Variants in FHIT observed in about 807,000 individuals in gnomAD.
The protein encoded by FHIT is bis(5'-adenosyl)-triphosphatase.
Under a neutral mutation model 17.9 loss-of-function variants are expected in FHIT, and 19 were observed. The observed-to-expected ratio is 1.06, with a 90% CI of 0.74 to 1.56. FHIT has a LOEUF of 1.56. FHIT is among the 40% of genes most tolerant of loss of function. The pLI, the probability that FHIT is intolerant of heterozygous loss-of-function variation, is 0.00. For missense variants in FHIT, 248 were observed against 189.2 expected (o/e 1.31, Z -1.82); for synonymous variants, 81 against 69.7 (o/e 1.16, Z -0.81).
chr3:61,132,475 T>C (rs2036792897), intron 2 of FHIT, among the ~76,000 whole-genome samples: 1 of 152,078 alleles, frequency 6.6e-6, no homozygotes, highest in Non-Finnish European at 1.5e-5. Flanking sequence ...GACAACTAAG[T>C]TAATATAAGG....
intron 5 of FHIT, among the ~76,000 whole-genome samples, chr3:60,207,556 T>G (rs1470341700): frequency 6.6e-6 from 1 of 152,136 alleles, no homozygotes; most frequent in African/African-American, 2.4e-5. Flanking sequence ...ATAAAGCGAA[T>G]TTAGAATCAC....
chr3:59,790,592 G>C (rs1483323156), intron 8 of FHIT, among the ~76,000 whole-genome samples: 1 of 151,824 alleles, frequency 6.6e-6, no homozygotes, highest in East Asian at 1.9e-4. Flanking sequence ...ATTGATTGTA[G>C]GAGGAGAAAA....
chr3:59,959,934 A>T (rs1185720501), intron 7 of FHIT, among the ~76,000 whole-genome samples: 2 of 152,222 alleles, frequency 1.3e-5, no homozygotes, highest in Non-Finnish European at 2.9e-5. Context: ...TAAGGAGATA[A>T]TAACATATGT....
At chr3:59,764,743 C>T (rs1354459252) in intron 8 of FHIT, among the ~76,000 whole-genome samples, 3 of 151,708 alleles carry the variant, frequency 2.0e-5, no homozygotes, top group Admixed American at 2.0e-4. Flanking sequence ...TTTTTCTAAC[C>T]AGAATACTTG....
At chr3:60,132,732 G>T (rs1699647150) in intron 5 of FHIT, among the ~76,000 whole-genome samples, 1 of 152,006 alleles carries the variant, frequency 6.6e-6, no homozygotes, top group Non-Finnish European at 1.5e-5. Flanking sequence ...CTTTCTGCTG[G>T]CTTATTGTCA....
chr3:59,803,460 G>C (rs561745954), intron 8 of FHIT, among the ~76,000 whole-genome samples: 1 of 152,190 alleles, frequency 6.6e-6, no homozygotes, highest in Non-Finnish European at 1.5e-5. Flanking sequence ...CTGCATTAAC[G>C]GTCTCCGAAT....
chr3:60,127,324 C>T (rs1705599515), intron 5 of FHIT, among the ~76,000 whole-genome samples: 1 of 152,164 alleles, frequency 6.6e-6, no homozygotes, highest in East Asian at 1.9e-4. Flanking sequence ...TCTCTGATAT[C>T]TAAATAGCAA....
At chr3:59,873,831 CAT>C (rs1559686366) in intron 8 of FHIT, among the ~76,000 whole-genome samples, 3 of 152,176 alleles carry the variant, frequency 2.0e-5, no homozygotes, top group East Asian at 1.9e-4. Flanking sequence ...TTCACTTTCA[CAT>C]GTGTTCCAGT....
At chr3:61,030,597 A>G (rs757648123) in intron 3 of FHIT, among the ~76,000 whole-genome samples, 9 of 152,182 alleles carry the variant, frequency 5.9e-5, no homozygotes, top group Non-Finnish European at 4.4e-5. Flanking sequence ...TGTACTCACA[A>G]AGTTTAGATT....
chr3:61,126,180 TCAGG>T (rs2036600446), intron 2 of FHIT, among the ~76,000 whole-genome samples: 1 of 152,068 alleles, frequency 6.6e-6, no homozygotes, highest in Non-Finnish European at 1.5e-5. Flanking sequence ...CAAATATTTA[TCAGG>T]CATCTACTTG....
intron 3 of FHIT, among the ~76,000 whole-genome samples, chr3:60,988,946 TA>T (rs535898632): frequency 0.055 from 1,874 of 34,234 alleles, 20 homozygotes; most frequent in Non-Finnish European, 0.06. Flanking sequence ...ATGGCTTTGT[TA>T]AAAAAAAAAA....
At chr3:61,001,772 G>A (rs367867731) in intron 3 of FHIT, among the ~76,000 whole-genome samples, 21 of 152,228 alleles carry the variant, frequency 1.4e-4, no homozygotes, top group South Asian at 8.3e-4. Context: ...ATAAAATTGC[G>A]TAGAGCTACA....
intron 5 of FHIT, among the ~76,000 whole-genome samples, chr3:60,302,453 A>G (rs1239759063): frequency 6.6e-6 from 1 of 152,058 alleles, no homozygotes; most frequent in Non-Finnish European, 1.5e-5. Flanking sequence ...ACTTGATTCT[A>G]TGTTTTACCA....
At chr3:60,795,628 C>T (rs138595356) in intron 4 of FHIT, among the ~76,000 whole-genome samples, 2 of 152,206 alleles carry the variant, frequency 1.3e-5, no homozygotes, top group East Asian at 1.9e-4. Context: ...GATCCTCCCA[C>T]CTTAGCCTCT....
intron 2 of FHIT, among the ~76,000 whole-genome samples, chr3:61,064,484 G>A (rs1375529429): frequency 6.6e-6 from 1 of 152,176 alleles, no homozygotes; most frequent in Non-Finnish European, 1.5e-5. Context: ...ATAGGAAACA[G>A]TAAATCTCCT....
intron 7 of FHIT, among the ~76,000 whole-genome samples, chr3:59,978,639 T>G (rs1226376018): frequency 6.6e-6 from 1 of 150,774 alleles, no homozygotes; most frequent in African/African-American, 2.4e-5. Context: ...GGGGAGCTGC[T>G]GAGGAGGGAC....
Position 60,748,574 on chromosome 3 carries a change from G to A in FHIT, c.-18+73345C>T, listed in dbSNP as rs144493788. ...CACCTGTAATCCCAGCACTTTGGGA[G>A]GCCGAGGTGGGCGGATCACTTGAGG... On this transcript the variant is annotated intron_variant, in intron 4 of 9. Coordinates refer to ENST00000492590, the MANE Select transcript of FHIT (RefSeq NM_002012.4). Among the ~76,000 whole-genome samples the A allele has an allele frequency of 5.9e-5, 9 of 152,300 alleles. No homozygotes were observed. In the East Asian group the frequency reaches 1.7e-3, roughly 29 times the overall value.
chr3:59,997,047 C>T (rs1030315790), intron 7 of FHIT, among the ~76,000 whole-genome samples: 1 of 152,112 alleles, frequency 6.6e-6, no homozygotes, highest in African/African-American at 2.4e-5. Flanking sequence ...TGCTCATGTT[C>T]AAAAAGCATT....
intron 4 of FHIT, among the ~76,000 whole-genome samples, chr3:60,796,346 A>AT (rs1238321789): frequency 6.6e-6 from 1 of 151,962 alleles, no homozygotes; most frequent in Non-Finnish European, 1.5e-5. Flanking sequence ...TTCTTTCTGC[A>AT]TTTTTTCCAG....
Sources: allele counts gnomAD v4.1 joint callset (sites outside exome capture counted in the v4.1 genomes callset), GRCh38; gene constraint gnomAD v4.1.1; transcripts MANE v1.5; gene names NCBI Gene and HGNC (gene_info 2026-07-23, HGNC 2026-07-21).